The following PCGF3 variants were observed in gnomAD, a reference collection of about 807,000 sequenced individuals.
PCGF3 encodes the protein polycomb group ring finger 3, also known as polycomb group RING finger protein 3.
Under a neutral mutation model 33.1 loss-of-function variants are expected in PCGF3, and 7 were observed. That is an observed-to-expected ratio of 0.21 (90% confidence interval 0.12 to 0.40). The LOEUF is 0.40. PCGF3 is among the 10% of genes least tolerant of loss of function. The probability of loss-of-function intolerance (pLI) is 1.00; values close to 1 mark genes in which losing one functional copy is unlikely to be tolerated. For missense variants in PCGF3, 211 were observed against 313.3 expected, an observed-to-expected ratio of 0.67 and a Z score of 2.46; for synonymous variants, 153 against 121.3, an observed-to-expected ratio of 1.26 and a Z score of -1.72.
At position 734,926 on chromosome 4, in the gene PCGF3, G is replaced by A; in HGVS notation, c.110-5G>A. ...TCTCCTAACACACCTGTGCTTTGATGACAGTCTGCAGGAGCTGCCTGGTGA... is the reference window on the plus strand; with the variant it reads ...TCTCCTAACACACCTGTGCTTTGATAACAGTCTGCAGGAGCTGCCTGGTGA... On this transcript the variant is annotated splice_polypyrimidine_tract_variant and splice_region_variant and intron_variant, in intron 4 of 10. Transcript: ENST00000362003. 1 of 1,612,880 alleles carries A rather than the reference G, an allele frequency of 6.2e-7. No homozygotes were observed. Among genetic ancestry groups the A allele is most frequent in the South Asian group, 1.1e-5 (1 of 90,672 alleles).
intron 8 of PCGF3, among the ~76,000 whole-genome samples, chr4:755,961 T>A (rs527668367): frequency 1.9e-4 from 25 of 134,930 alleles, no homozygotes; most frequent in African/African-American, 6.9e-4. Flanking sequence ...TTGCCCAGGC[T>A]GGAGTGCAAG....
chr4:718,286 G>A (rs1489191841), intron 1 of PCGF3, among the ~76,000 whole-genome samples: 1 of 152,074 alleles, frequency 6.6e-6, no homozygotes, highest in Non-Finnish European at 1.5e-5. Context: ...GGCGCTGGGG[G>A]CCGGACTGCT....
At chr4:733,549 G>A (rs1461191171) in intron 3 of PCGF3, 123 bp from the exon 4 acceptor site, 1 of 950,376 alleles carries the variant, frequency 1.1e-6, no homozygotes, top group Non-Finnish European at 1.5e-6. Context: ...GAGCCCAAGA[G>A]GCTCCTGCCA....
At chr4:763,678 T>A (rs186038786) in intron 9 of PCGF3, among the ~76,000 whole-genome samples, 9 of 152,190 alleles carry the variant, frequency 5.9e-5, no homozygotes, top group East Asian at 1.9e-4. Flanking sequence ...CGAAACACAC[T>A]CTCGGCAAAC....
At chr4:733,618 G>C in intron 3 of PCGF3, 54 bp from the exon 4 acceptor site, 2 of 1,545,446 alleles carry the variant, frequency 1.3e-6, no homozygotes, top group South Asian at 1.2e-5. Flanking sequence ...CTCAGCCAAG[G>C]ATGAAAGGCA....
rs112419248 is a variant in PCGF3, at chr4:710,667, A to G, written c.-190+4697A>G. On this transcript the variant is annotated intron_variant, in intron 1 of 10. Transcript: ENST00000362003. ...CATGATTGAGATATTTGTGATACGT[A>G]AAAGAAGATAAATTACAGATAGAAA... is the stretch of plus-strand genomic sequence containing the variant. Among the ~76,000 whole-genome samples the G allele has an allele frequency of 3.5e-4, 54 of 152,374 alleles. 2 individuals carry two copies. Among genetic ancestry groups the G allele is most frequent in the African/African-American group, 1.3e-3 (53 of 41,592 alleles).
rs1016888730 is a variant in PCGF3, at chr4:737,947, G to A, written c.262+426G>A. The stretch of plus-strand genomic sequence containing the variant: ...GTTTCTAGAAAAACTTCACCATAAA[G>A]TCAAATTTCATTTAGAATTAAAAGA... On this transcript the variant is annotated intron_variant, in intron 6 of 10. Coordinates refer to ENST00000362003, the Ensembl canonical transcript of PCGF3. 9.8e-5 allele frequency among the ~76,000 whole-genome samples: 15 copies of A among 152,286 alleles called. No homozygotes were observed. In the East Asian group the frequency reaches 1.2e-3, roughly 12 times the overall value.
At chr4:749,513 CTT>C (rs369878038) in intron 8 of PCGF3, among the ~76,000 whole-genome samples, 38 of 99,108 alleles carry the variant, frequency 3.8e-4, no homozygotes, top group African/African-American at 1.4e-3. Context: ...GACAGTCTCA[CTT>C]TGTCGCCAGG....
Position 735,544 on chromosome 4 carries a change from C to T in PCGF3, c.206+517C>T, listed in dbSNP as rs557585098. 5.3e-5 allele frequency among the ~76,000 whole-genome samples: 8 copies of T among 152,056 alleles called. No individual in the cohort carries two copies. The East Asian group carries it at 1.4e-3, about 26-fold the overall frequency. ...CTGGCGACAGAGCGAGACTCTGTCT[C>T]AAAGAGAAAGAAAAAATACTTAGTC... On this transcript the variant is annotated intron_variant, in intron 5 of 10. Transcript: ENST00000362003.
intron 1 of PCGF3, among the ~76,000 whole-genome samples, chr4:724,772 TG>T (rs1743256672): frequency 6.6e-6 from 1 of 152,148 alleles, no homozygotes; most frequent in African/African-American, 2.4e-5. Context: ...CACTCCAGCC[TG>T]GGCGACAGAG....
At chr4:763,786 C>G (rs1232462943) in intron 9 of PCGF3, among the ~76,000 whole-genome samples, 1 of 152,212 alleles carries the variant, frequency 6.6e-6, no homozygotes, top group African/African-American at 2.4e-5. Context: ...TCATAATTAC[C>G]AAAACCTGGA....
At chr4:734,687 C>G in intron 4 of PCGF3, 1 of 1,310,464 alleles carries the variant, frequency 7.6e-7, no homozygotes, top group South Asian at 2.1e-5. Context: ...AGTTTTTTTC[C>G]CACTTAATTC....
chr4:732,720 T>G (rs2109605690), intron 3 of PCGF3, among the ~76,000 whole-genome samples: 1 of 152,232 alleles, frequency 6.6e-6, no homozygotes, highest in Non-Finnish European at 1.5e-5. Flanking sequence ...ATGCAGCAGT[T>G]TGGGTCGCGG....
chr4:706,471 C>T (rs1742308929), intron 1 of PCGF3, among the ~76,000 whole-genome samples: 1 of 143,490 alleles, frequency 7.0e-6, no homozygotes, highest in South Asian at 2.1e-4. Context: ...GGGCAAAGAC[C>T]CCAGAACAGG....
In PCGF3 at chr4:749,420, T is replaced by C. The variant is rs1337670883; in HGVS notation, c.462+4732T>C. 6.8e-5 allele frequency among the ~76,000 whole-genome samples: 10 copies of C among 147,402 alleles called. No homozygotes were observed. In the Admixed American group the frequency reaches 6.9e-4, roughly 10 times the overall value. ...CTCGGGTGATCCACCCACCTCAGCC[T>C]CCCAAAGTTCTAGAATTACAGGCAT... is the stretch of plus-strand genomic sequence containing the variant. On this transcript the variant is annotated intron_variant, in intron 8 of 10. Transcript: ENST00000362003.
intron 8 of PCGF3, among the ~76,000 whole-genome samples, chr4:752,665 G>A (rs151192905): frequency 7.6e-4 from 116 of 152,318 alleles, no homozygotes; most frequent in Non-Finnish European, 1.4e-3. Context: ...TGCAGTCTTG[G>A]GGATACAGGG....
At chr4:764,815 C>T (rs1478246984) in intron 9 of PCGF3, 169 bp from the exon 10 acceptor site, 29 of 589,514 alleles carry the variant, frequency 4.9e-5, no homozygotes, top group Non-Finnish European at 7.7e-5. Context: ...CATCTCTAGG[C>T]TGTGAGGTAG....
At chr4:768,217 C>T (rs1420360501) in exon 11 of PCGF3, 1 of 152,678 alleles carries the variant, frequency 6.5e-6, no homozygotes, top group Admixed American at 6.5e-5. Context: ...GACAAAACCT[C>T]AGCAGCAGAA....
At chr4:763,374 G>A (rs1298382454) in intron 9 of PCGF3, among the ~76,000 whole-genome samples, 19 of 152,108 alleles carry the variant, frequency 1.2e-4, no homozygotes, top group Admixed American at 1.2e-3. Flanking sequence ...CTCCAGGGAA[G>A]AGTGTGAGGT....
Sources: gnomAD v4.1 joint callset for allele counts (sites outside exome capture counted in the v4.1 genomes callset) on GRCh38, gnomAD v4.1.1 for gene constraint, MANE v1.5 for transcripts, NCBI Gene and HGNC (gene_info 2026-07-23, HGNC 2026-07-21) for gene names.